The following NCALD variants were observed in gnomAD, a reference collection of about 807,000 sequenced individuals.
NCALD encodes neurocalcin delta, also known as neurocalcin-delta.
In NCALD, 10 loss-of-function variants were observed where a neutral mutation model predicts 18.6. The observed-to-expected ratio is 0.54, with a 90% CI of 0.33 to 0.91. The LOEUF (loss-of-function observed/expected upper bound fraction) is 0.91. Ranked by LOEUF, NCALD falls within the 40% of genes least tolerant of loss-of-function variation. The pLI, the probability that NCALD is intolerant of heterozygous loss-of-function variation, is 0.03. For synonymous variants in NCALD, 88 were observed against 87.4 expected (o/e 1.01, Z -0.04); for missense variants, 184 against 247.6 (o/e 0.74, Z 1.72).
intron 4 of NCALD, chr8:101,872,066 T>A: frequency 7.0e-7 from 1 of 1,433,690 alleles, no homozygotes. Context: ...ATGGGCAGAT[T>A]CCTATCAGGA....
At chr8:101,892,146 C>T (rs557638189) in intron 3 of NCALD, among the ~76,000 whole-genome samples, 5 of 150,820 alleles carry the variant, frequency 3.3e-5, no homozygotes, top group Admixed American at 2.6e-4. Context: ...GTGGTTCTCC[C>T]AGCACACAGC....
intron 1 of NCALD, among the ~76,000 whole-genome samples, chr8:101,724,551 T>C (rs1277198940): frequency 6.6e-6 from 1 of 152,236 alleles, no homozygotes; most frequent in Non-Finnish European, 1.5e-5. Flanking sequence ...CTCTTATTGA[T>C]TCCATGTGAG....
intron 2 of NCALD, among the ~76,000 whole-genome samples, chr8:101,700,098 T>C (rs1173999191): frequency 1.3e-5 from 2 of 152,028 alleles, no homozygotes; most frequent in Non-Finnish European, 2.9e-5. Flanking sequence ...TCTCATTCTG[T>C]TGCCCAAGCT....
At chr8:101,814,457 T>C (rs74920867) in intron 4 of NCALD, among the ~76,000 whole-genome samples, 1 of 151,954 alleles carries the variant, frequency 6.6e-6, no homozygotes, top group Non-Finnish European at 1.5e-5. Flanking sequence ...TTAAAAACTC[T>C]CACTAAACTG....
intron 2 of NCALD, among the ~76,000 whole-genome samples, chr8:101,708,247 T>G (rs552429345): frequency 6.6e-6 from 1 of 152,282 alleles, no homozygotes; most frequent in South Asian, 2.1e-4. Context: ...ACATCATAGC[T>G]CAGAAGTTTT....
intron 2 of NCALD, among the ~76,000 whole-genome samples, chr8:101,976,049 G>T (rs563593527): frequency 6.6e-6 from 1 of 152,048 alleles, no homozygotes; most frequent in Admixed American, 6.5e-5. Context: ...CCGTGGGTTC[G>T]CTATACTCCA....
chr8:101,810,953 A>T lies in NCALD; in HGVS notation c.-20+76188T>A, dbSNP rs1176290071. ...AACTATCCGCTCCTGGGAATATTTTAAAAAATCAATTTCAGAAAAAAAATG... is the reference window on the plus strand; with the variant it reads ...AACTATCCGCTCCTGGGAATATTTTTAAAAATCAATTTCAGAAAAAAAATG... On this transcript the variant is annotated intron_variant, in intron 4 of 6. Coordinates refer to the NCALD transcript ENST00000311028. 3.3e-5 allele frequency among the ~76,000 whole-genome samples: 5 copies of T among 152,320 alleles called. No homozygotes were observed. The East Asian group carries it at 9.6e-4, about 29-fold the overall frequency.
At chr8:101,904,206 G>A (rs1372317468) in intron 3 of NCALD, among the ~76,000 whole-genome samples, 1 of 152,166 alleles carries the variant, frequency 6.6e-6, no homozygotes, top group Non-Finnish European at 1.5e-5. Context: ...ATTGCTCCCA[G>A]TTGGATGAAT....
intron 1 of NCALD, among the ~76,000 whole-genome samples, chr8:102,107,425 T>C (rs1825502007): frequency 6.6e-6 from 1 of 152,018 alleles, no homozygotes; most frequent in Admixed American, 6.6e-5. Flanking sequence ...TAAATCTATA[T>C]TCCTCAAGGC....
In NCALD at chr8:102,036,717, G is replaced by A. The variant is rs569726703; in HGVS notation, c.-209-16428C>T. On this transcript the variant is annotated intron_variant, in intron 1 of 6. Coordinates refer to the NCALD transcript ENST00000311028. ...TTAAACCCTGGAGGCAGAGGCAGCA[G>A]TGAGCTGAGATCATGCCACTGCACT... Among the ~76,000 whole-genome samples the A allele has an allele frequency of 6.6e-5, 10 of 152,212 alleles. No homozygotes were observed. In the East Asian group the frequency reaches 1.9e-3, roughly 29 times the overall value.
At chr8:101,792,662 A>C (rs944214409), upstream of NCALD, among the ~76,000 whole-genome samples, 2 of 152,208 alleles carry the variant, frequency 1.3e-5, no homozygotes, top group African/African-American at 4.8e-5. Flanking sequence ...TATGTTCAGA[A>C]ATGCACATCA....
intron 4 of NCALD, among the ~76,000 whole-genome samples, chr8:101,851,935 T>C (rs1275512722): frequency 6.6e-6 from 1 of 152,154 alleles, no homozygotes; most frequent in Non-Finnish European, 1.5e-5. Context: ...CCTTCATGAA[T>C]GGGATTATTG....
chr8:101,821,577 C>A (rs1392479855), intron 4 of NCALD, among the ~76,000 whole-genome samples: 2 of 152,194 alleles, frequency 1.3e-5, no homozygotes, highest in South Asian at 2.1e-4. Context: ...ATTTGTTGAG[C>A]CTCTCTAGAT....
intron 1 of NCALD, among the ~76,000 whole-genome samples, chr8:102,050,293 C>T (rs1262965329): frequency 6.7e-6 from 1 of 149,002 alleles, no homozygotes; most frequent in East Asian, 2.0e-4. Context: ...TTCTTCAAGT[C>T]TGTAACTTGT....
chr8:101,873,687 G>A (rs1457396237), intron 4 of NCALD, among the ~76,000 whole-genome samples: 1 of 152,134 alleles, frequency 6.6e-6, no homozygotes, highest in African/African-American at 2.4e-5. Flanking sequence ...GAAATGACTT[G>A]GACCTAGGAA....
intron 4 of NCALD, among the ~76,000 whole-genome samples, chr8:101,864,632 T>C (rs1333791948): frequency 6.6e-6 from 1 of 151,578 alleles, no homozygotes; most frequent in African/African-American, 2.4e-5. Flanking sequence ...TTCCCTTTTC[T>C]TGCCCAGGCT....
chr8:101,925,063 A>C (rs1279973277), intron 2 of NCALD, among the ~76,000 whole-genome samples: 2 of 152,068 alleles, frequency 1.3e-5, no homozygotes, highest in Non-Finnish European at 2.9e-5. Flanking sequence ...GTATGACAAA[A>C]GAAAAAAAAA....
chr8:101,871,946 T>C lies in NCALD; in HGVS notation c.-20+15195A>G, dbSNP rs997779050. 2.3e-5 allele frequency: 17 copies of C among 739,244 alleles called. No homozygotes were observed. The African/African-American group carries it at 2.4e-4, about 10-fold the overall frequency. 45.8% of individuals were successfully genotyped at this position (739,244 alleles called of 1,614,324 possible). On this transcript the variant is annotated intron_variant, in intron 4 of 6. Coordinates refer to the NCALD transcript ENST00000311028. ...TCCTCCAAGTCCGTCTTAACTGCTC[T>C]AGATTCAGACAGTTTCCACCCCAAC... is the stretch of plus-strand genomic sequence containing the variant.
chr8:101,823,335 T>C (rs1813798306), intron 4 of NCALD, among the ~76,000 whole-genome samples: 1 of 152,206 alleles, frequency 6.6e-6, no homozygotes, highest in African/African-American at 2.4e-5. Flanking sequence ...GGAACCTCTG[T>C]TTAAAAGGCT....
Sources: gnomAD v4.1 joint callset for allele counts (sites outside exome capture counted in the v4.1 genomes callset) on GRCh38, gnomAD v4.1.1 for gene constraint, MANE v1.5 for transcripts, NCBI Gene and HGNC (gene_info 2026-07-23, HGNC 2026-07-21) for gene names.